Variants in ARFGAP3 observed in about 807,000 individuals in gnomAD.
The protein encoded by ARFGAP3 is ARF GTPase activating protein 3, also known as ADP-ribosylation factor GTPase-activating protein 3.
ARFGAP3 carries 72 observed loss-of-function variants against 75.0 expected under a neutral mutation model. The observed-to-expected ratio is 0.96, with a 90% CI of 0.79 to 1.17. ARFGAP3 has a LOEUF of 1.17. ARFGAP3 is among the 50% of genes most tolerant of loss of function. The pLI is 0.00. For synonymous variants in ARFGAP3, 221 were observed against 217.9 expected (o/e 1.01, Z -0.13); for missense variants, 620 against 626.6 (o/e 0.99, Z 0.11).
intron 2 of ARFGAP3, among the ~76,000 whole-genome samples, chr22:42,847,034 A>G (rs568793724): frequency 3.9e-5 from 6 of 152,328 alleles, no homozygotes; most frequent in Non-Finnish European, 8.8e-5. Context: ...GTGCTAGCTC[A>G]GGTCTCTCCT....
chr22:42,798,820 C>G (rs2146519659), intron 15 of ARFGAP3, among the ~76,000 whole-genome samples: 1 of 152,280 alleles, frequency 6.6e-6, no homozygotes, highest in East Asian at 1.9e-4. Context: ...ATGGTCATGA[C>G]AATTCCTCTA....
intron 1 of ARFGAP3, among the ~76,000 whole-genome samples, chr22:42,854,638 A>G (rs1404875323): frequency 6.6e-6 from 1 of 152,028 alleles, no homozygotes; most frequent in African/African-American, 2.4e-5. Flanking sequence ...AAAAAAAAAA[A>G]GAAAGAAAAA....
chr22:42,836,265 C>A (rs1280581685), intron 3 of ARFGAP3, among the ~76,000 whole-genome samples: 1 of 152,000 alleles, frequency 6.6e-6, no homozygotes, highest in East Asian at 1.9e-4. Flanking sequence ...CGTGAGCCAC[C>A]GCTCCTGGCC....
intron 14 of ARFGAP3, among the ~76,000 whole-genome samples, chr22:42,800,652 C>A (rs1435253683): frequency 6.6e-6 from 1 of 152,188 alleles, no homozygotes. Context: ...TGTTCCCATG[C>A]CCACCACAGA....
intron 2 of ARFGAP3, among the ~76,000 whole-genome samples, chr22:42,842,011 C>CTTTTTTTTTT (rs55825441): frequency 1.1e-5 from 1 of 91,274 alleles, no homozygotes; most frequent in Admixed American, 1.3e-4. Flanking sequence ...CCATGCCGGG[C>CTTTTTTTTTT]TTTTTTTTTT....
chr22:42,817,938 T>A, intron 9 of ARFGAP3, 81 bp from the exon 10 acceptor site: 1 of 1,359,078 alleles, frequency 7.4e-7, no homozygotes, highest in Non-Finnish European at 9.6e-7. Context: ...ATTAAACATG[T>A]AATTTATACT....
chr22:42,802,576 AG>A (rs994199799), intron 14 of ARFGAP3, among the ~76,000 whole-genome samples: 31 of 147,966 alleles, frequency 2.1e-4, no homozygotes, highest in Admixed American at 3.4e-4. Context: ...TACAGGCGAG[AG>A]CCACCGCGCC....
chr22:42,822,584 CA>C, intron 8 of ARFGAP3, 175 bp from the exon 9 acceptor site: 1 of 307,060 alleles, frequency 3.3e-6, no homozygotes, highest in Non-Finnish European at 4.7e-6. Context: ...AGTCCCTCAG[CA>C]TGGGGGAATT....
intron 3 of ARFGAP3, among the ~76,000 whole-genome samples, chr22:42,839,705 A>G (rs1343854014): frequency 6.6e-6 from 1 of 152,110 alleles, no homozygotes; most frequent in Non-Finnish European, 1.5e-5. Context: ...CCCAGTTATT[A>G]AAAAACTATT....
At chr22:42,797,841 C>T (rs9611908) in intron 15 of ARFGAP3, 19,604 of 674,418 alleles carry the variant, frequency 0.029, 314 homozygotes, top group African/African-American at 0.04. Flanking sequence ...CTGGCATCCA[C>T]GGCCACAGTC....
chr22:42,839,252 T>C (rs1002204436), intron 3 of ARFGAP3, among the ~76,000 whole-genome samples: 1 of 152,176 alleles, frequency 6.6e-6, no homozygotes, highest in Non-Finnish European at 1.5e-5. Flanking sequence ...ACAGTATTTA[T>C]GTTTGTGTTT....
chr22:42,823,895 C>G, intron 7 of ARFGAP3, 193 bp from the exon 8 acceptor site: 1 of 362,770 alleles, frequency 2.8e-6, no homozygotes, highest in Non-Finnish European at 3.8e-6. Flanking sequence ...AAATGGTGTC[C>G]TCAGTATTTC....
intron 1 of ARFGAP3, among the ~76,000 whole-genome samples, chr22:42,850,605 T>C (rs1000766041): frequency 1.4e-5 from 2 of 146,536 alleles, no homozygotes; most frequent in African/African-American, 4.9e-5. Context: ...AAAGATATAC[T>C]TTATAGGCAG....
intron 14 of ARFGAP3, among the ~76,000 whole-genome samples, chr22:42,806,465 G>A (rs1925128375): frequency 6.6e-6 from 1 of 152,238 alleles, no homozygotes; most frequent in African/African-American, 2.4e-5. Context: ...AGAGGGATAT[G>A]GGAGACAGGC....
chr22:42,810,580 G>A (rs1011007200), intron 12 of ARFGAP3, among the ~76,000 whole-genome samples: 1 of 152,174 alleles, frequency 6.6e-6, no homozygotes, highest in Non-Finnish European at 1.5e-5. Flanking sequence ...TTTTGAGGGG[G>A]ACTTACTCTG....
chr22:42,822,198 T>A, intron 9 of ARFGAP3, 72 bp downstream of exon 9: 7 of 1,189,852 alleles, frequency 5.9e-6, no homozygotes, highest in Non-Finnish European at 6.0e-6. Context: ...ATACATGGCA[T>A]TTGGAAAGCA....
At chr22:42,823,809 T>C (rs1422188881) in intron 7 of ARFGAP3, 107 bp from the exon 8 acceptor site, 1 of 1,217,846 alleles carries the variant, frequency 8.2e-7, no homozygotes, top group Non-Finnish European at 1.1e-6. Context: ...TAAGAGATGA[T>C]AACATTTTCC....
At position 42,857,193 on chromosome 22, in the gene ARFGAP3, G is replaced by A; in HGVS notation, c.-11C>T. The A allele has an allele frequency of 6.6e-7, 1 of 1,509,306 alleles. No individual in the cohort carries two copies. Among genetic ancestry groups the A allele is most frequent in the Non-Finnish European group, 8.9e-7 (1 of 1,126,052 alleles). The allele number at this position is 1,509,306 out of a possible 1,614,324, so 93.5% of individuals were successfully genotyped here. ...GCTGGGGTCCCCCATCGTCAGCTGT[G>A]AGCCGCGGCGCAGCTGGCCCAGCCA... On this transcript the variant is annotated 5_prime_UTR_variant, in exon 1 of 16. Coordinates refer to ENST00000263245, the MANE Select transcript of ARFGAP3 (RefSeq NM_014570.5).
At chr22:42,833,003 G>C (rs1019803410) in intron 5 of ARFGAP3, among the ~76,000 whole-genome samples, 60 of 149,706 alleles carry the variant, frequency 4.0e-4, no homozygotes, top group Admixed American at 2.3e-3. Context: ...AAAAAAAAAA[G>C]AAAGGAAGAA....
Sources: gnomAD v4.1 joint callset for allele counts (sites outside exome capture counted in the v4.1 genomes callset) on GRCh38, gnomAD v4.1.1 for gene constraint, MANE v1.5 for transcripts, NCBI Gene and HGNC (gene_info 2026-07-23, HGNC 2026-07-21) for gene names.